The following INTS9 variants were observed in gnomAD, a reference collection of about 807,000 sequenced individuals.
INTS9 encodes the protein protein related to CPSF subunits of 74 kDa.
In INTS9, 55 loss-of-function variants were observed where a neutral mutation model predicts 79.7. The observed-to-expected ratio is 0.69, with a 90% CI of 0.56 to 0.86. The LOEUF (loss-of-function observed/expected upper bound fraction) is 0.86. INTS9 is among the 40% of genes least tolerant of loss of function. The pLI is 0.00. For missense variants in INTS9, 721 were observed against 831.5 expected (o/e 0.87, Z 1.64); for synonymous variants, 319 against 325.2 (o/e 0.98, Z 0.20).
rs145646820 is a variant in INTS9 at position 28,841,782 on chromosome 8, C to T, written c.262-4006G>A. Among the ~76,000 whole-genome samples, 357 of 152,114 alleles carry T rather than the reference C, an allele frequency of 2.3e-3. 1 individual carries two copies. The highest frequency in any genetic ancestry group is 0.013 in the East Asian group (65 of 5,178). Reference sequence around the variant, plus strand: ...ATAAAATAAGCTAGAGAAAAGAAAACGTTATTAAGAAAATGATAAGGAGCC... The same window carrying T: ...ATAAAATAAGCTAGAGAAAAGAAAATGTTATTAAGAAAATGATAAGGAGCC... On this transcript the variant is annotated intron_variant, in intron 4 of 16. Transcript: ENST00000521022.
chr8:28,876,394 C>G (rs1387779763), intron 1 of INTS9, among the ~76,000 whole-genome samples: 1 of 152,064 alleles, frequency 6.6e-6, no homozygotes, highest in Non-Finnish European at 1.5e-5. Flanking sequence ...CTAGGACACA[C>G]AATAAAACAC....
At chr8:28,817,253 G>T (rs1805541071) in intron 6 of INTS9, among the ~76,000 whole-genome samples, 2 of 151,818 alleles carry the variant, frequency 1.3e-5, no homozygotes, top group Admixed American at 1.3e-4. Flanking sequence ...GAATGGTAAT[G>T]CCTAGGTTTT....
At chr8:28,872,157 T>C (rs184439952) in intron 1 of INTS9, among the ~76,000 whole-genome samples, 132 of 152,304 alleles carry the variant, frequency 8.7e-4, no homozygotes, top group African/African-American at 3.0e-3. Flanking sequence ...AAAAGCAATA[T>C]TGCATCAGAG....
At chr8:28,794,936 AG>A (rs1804115463) in intron 9 of INTS9, among the ~76,000 whole-genome samples, 1 of 152,208 alleles carries the variant, frequency 6.6e-6, no homozygotes, top group South Asian at 2.1e-4. Context: ...CTGTGATTCT[AG>A]ATTATAAACA....
chr8:28,787,280 G>T (rs967510144), intron 11 of INTS9, among the ~76,000 whole-genome samples: 1 of 152,120 alleles, frequency 6.6e-6, no homozygotes, highest in East Asian at 1.9e-4. Context: ...TGTTATTTTC[G>T]TCACTAAAAA....
chr8:28,792,230 A>G (rs1331889875), intron 10 of INTS9, among the ~76,000 whole-genome samples: 1 of 152,216 alleles, frequency 6.6e-6, no homozygotes, highest in Non-Finnish European at 1.5e-5. Flanking sequence ...TAGTACTTGG[A>G]CAGGTAAGTA....
At chr8:28,880,481 C>T (rs1464705387) in intron 1 of INTS9, among the ~76,000 whole-genome samples, 1 of 152,050 alleles carries the variant, frequency 6.6e-6, no homozygotes, top group Non-Finnish European at 1.5e-5. Context: ...GGCTGGTCTC[C>T]AGCTCCTAAC....
chr8:28,870,058 G>A (rs1240857547), intron 1 of INTS9, among the ~76,000 whole-genome samples: 1 of 151,988 alleles, frequency 6.6e-6, no homozygotes. Flanking sequence ...GGCTGCCTTC[G>A]GAACCAACAT....
In INTS9 at chr8:28,777,817, G is replaced by A. The variant is rs2130878447; in HGVS notation, c.1395+12C>T. ...ATGACTACGTGAAGGCACAAGCAGT[G>A]TCCTTCATTACCTGCACTTCTTTAA... On this transcript the variant is annotated intron_variant, in intron 13 of 16. Coordinates refer to ENST00000521022, the MANE Select transcript of INTS9 (RefSeq NM_018250.4). 1 of 1,596,962 alleles carries A rather than the reference G, an allele frequency of 6.3e-7. No individual in the cohort carries two copies. Among genetic ancestry groups the A allele is most frequent in the Non-Finnish European group, 8.5e-7 (1 of 1,172,240 alleles).
intron 1 of INTS9, among the ~76,000 whole-genome samples, chr8:28,882,581 T>C (rs928737634): frequency 1.9e-4 from 25 of 129,014 alleles, no homozygotes; most frequent in Admixed American, 1.7e-3. Context: ...ACATAATGTA[T>C]TTAGAAAAAG....
intron 1 of INTS9, among the ~76,000 whole-genome samples, chr8:28,870,248 CATACTGG>C (rs559861690): frequency 8.1e-4 from 120 of 149,026 alleles, no homozygotes; most frequent in African/African-American, 2.9e-3. Flanking sequence ...AGTGGTTGAT[CATACTGG>C]AACTCTCACT....
At chr8:28,835,166 T>C in intron 6 of INTS9, 126 bp downstream of exon 6, 1 of 639,826 alleles carries the variant, frequency 1.6e-6, no homozygotes, top group East Asian at 2.9e-5. Flanking sequence ...TTTCATGTAT[T>C]AGGAAAAAGA....
intron 3 of INTS9, 109 bp from the exon 4 acceptor site, chr8:28,846,918 G>C: frequency 1.2e-6 from 1 of 810,658 alleles, no homozygotes; most frequent in Non-Finnish European, 2.1e-6. Context: ...TAGACTACTA[G>C]AGCTGGAGGG....
chr8:28,868,556 G>T lies in INTS9; in HGVS notation c.10-8993C>A, dbSNP rs146089734. ...AACCCATGCATCACATCATCCAATA[G>T]CTCATTTGACATCAGCATAAAGTAC... On this transcript the variant is annotated intron_variant, in intron 1 of 16. Transcript: ENST00000521022. Among the ~76,000 whole-genome samples, 602 of 152,164 alleles carry T rather than the reference G, an allele frequency of 4.0e-3. 3 individuals carry two copies. Among genetic ancestry groups the T allele is most frequent in the African/African-American group, 0.014 (570 of 41,504 alleles).
intron 11 of INTS9, chr8:28,783,819 G>T (rs1478011353): frequency 6.6e-6 from 1 of 152,192 alleles, no homozygotes; most frequent in Non-Finnish European, 1.5e-5. Context: ...ATCATTAGTT[G>T]TCTCAGTTAA....
intron 2 of INTS9, among the ~76,000 whole-genome samples, chr8:28,859,139 A>G (rs1808322205): frequency 6.6e-6 from 1 of 152,220 alleles, no homozygotes; most frequent in African/African-American, 2.4e-5. Context: ...TTGACCATTT[A>G]CCAGCTCTTA....
chr8:28,787,387 T>C (rs1308059495), intron 11 of INTS9, among the ~76,000 whole-genome samples: 1 of 152,244 alleles, frequency 6.6e-6, no homozygotes, highest in Non-Finnish European at 1.5e-5. Context: ...CAATTCATCA[T>C]GCAGTCAGTA....
intron 10 of INTS9, among the ~76,000 whole-genome samples, chr8:28,791,319 T>C (rs1355534827): frequency 6.6e-6 from 1 of 151,842 alleles, no homozygotes; most frequent in African/African-American, 2.4e-5. Context: ...ATGGACAGGA[T>C]CCCTCTAGCC....
intron 10 of INTS9, among the ~76,000 whole-genome samples, chr8:28,791,813 G>A (rs575524251): frequency 6.6e-6 from 1 of 152,302 alleles, no homozygotes; most frequent in Admixed American, 6.5e-5. Flanking sequence ...AGAATAATAT[G>A]ATCACTGAGT....
Sources: allele counts gnomAD v4.1 joint callset (sites outside exome capture counted in the v4.1 genomes callset), GRCh38; gene constraint gnomAD v4.1.1; transcripts MANE v1.5; gene names NCBI Gene and HGNC (gene_info 2026-07-23, HGNC 2026-07-21).